Variants in GPC3 observed in about 807,000 individuals in gnomAD.
GPC3 encodes the protein glypican-3.
In GPC3, 3 loss-of-function variants were observed where a neutral mutation model predicts 34.4. That is an observed-to-expected ratio of 0.09 (90% CI 0.04 to 0.23). The LOEUF is 0.23. Ranked by LOEUF, GPC3 falls within the 10% of genes least tolerant of loss-of-function variation. The pLI, the probability that GPC3 is intolerant of heterozygous loss-of-function variation, is 1.00. For synonymous variants in GPC3, 177 were observed against 174.0 expected (o/e 1.02, Z -0.13); for missense variants, 351 against 445.6 (o/e 0.79, Z 1.91).
At chrX:133,670,505 C>CA (rs2124409939) in intron 5 of GPC3, among the ~76,000 whole-genome samples, 1 of 111,210 alleles carries the variant, frequency 9.0e-6, no homozygotes, top group Non-Finnish European at 1.9e-5. Flanking sequence ...AGGTCCCCAC[C>CA]AAAAAAAATT....
chrX:133,800,197 G>A, intron 2 of GPC3, among the ~76,000 whole-genome samples: 1 of 112,136 alleles, frequency 8.9e-6, no homozygotes, highest in Non-Finnish European at 1.9e-5. Context: ...TTCAGCGTTT[G>A]CGTCCGATAA....
chrX:133,983,758 T>C (rs1427400293), intron 1 of GPC3, among the ~76,000 whole-genome samples: 2 of 111,378 alleles, frequency 1.8e-5, no homozygotes, highest in African/African-American at 6.5e-5. Context: ...GATTGGCCAG[T>C]TGTTTCAGTT....
rs1216828166 is a variant in GPC3 at position 133,558,385 on chromosome X, A to T, written c.1574-22092T>A. ...GGCCCTGAGAACAGACTCAGACAGC[A>T]TCCTTCGCCTTCCAGGCTCTCTCAC... On this transcript the variant is annotated intron_variant, in intron 7 of 7. Transcript: ENST00000370818. Among the ~76,000 whole-genome samples, 6 of 108,374 alleles carry T rather than the reference A, an allele frequency of 5.5e-5. No individual in the cohort carries two copies. In the East Asian group the frequency reaches 8.7e-4, roughly 16 times the overall value. The allele number at this position is 108,374 out of a possible 115,157, so 94.1% of individuals were successfully genotyped here.
At chrX:133,862,557 A>T (rs1038567463) in intron 2 of GPC3, among the ~76,000 whole-genome samples, 10 of 108,109 alleles carry the variant, frequency 9.2e-5, no homozygotes, top group Non-Finnish European at 1.9e-4. Context: ...GGGCGTGGTG[A>T]TGGGCACCTG....
At chrX:133,659,436 C>T (rs891232905) in intron 6 of GPC3, among the ~76,000 whole-genome samples, 7 of 111,730 alleles carry the variant, frequency 6.3e-5, no homozygotes, top group African/African-American at 2.3e-4. Flanking sequence ...CCCTCCCTTG[C>T]TTGTCTTTAC....
chrX:133,818,476 T>C (rs891289284), intron 2 of GPC3, among the ~76,000 whole-genome samples: 1 of 111,519 alleles, frequency 9.0e-6, no homozygotes, highest in African/African-American at 3.3e-5. Context: ...CAGCTAGGTG[T>C]TTCCAGAGTT....
intron 2 of GPC3, among the ~76,000 whole-genome samples, chrX:133,862,280 T>G (rs750470960): frequency 9.0e-6 from 1 of 110,864 alleles, no homozygotes; most frequent in African/African-American, 3.3e-5. Context: ...TGGTTAATGT[T>G]CAGCCAATAG....
intron 7 of GPC3, among the ~76,000 whole-genome samples, chrX:133,579,759 C>G (rs2069717437): frequency 9.0e-6 from 1 of 111,156 alleles, no homozygotes; most frequent in Non-Finnish European, 1.9e-5. Context: ...TGGTCTCAAA[C>G]TCCTGGGCTC....
chrX:133,789,019 C>T (rs747765142), intron 2 of GPC3, among the ~76,000 whole-genome samples: 37 of 110,664 alleles, frequency 3.3e-4, no homozygotes, highest in South Asian at 1.2e-3. Flanking sequence ...GGGAGGCTTC[C>T]CTTTGATAAA....
chrX:133,692,234 C>T (rs1432164428), intron 5 of GPC3, 135 bp downstream of exon 5: 16 of 684,520 alleles, frequency 2.3e-5, no homozygotes, highest in South Asian at 7.4e-5. Flanking sequence ...CATGAGCCAC[C>T]GCATCCAGCC....
At chrX:133,971,707 C>T (rs1262362737) in intron 1 of GPC3, among the ~76,000 whole-genome samples, 2 of 110,540 alleles carry the variant, frequency 1.8e-5, no homozygotes, top group Non-Finnish European at 3.8e-5. Context: ...AAGGAAGATG[C>T]GGAGAACAGT....
chrX:133,841,927 C>T (rs763009503), intron 2 of GPC3, among the ~76,000 whole-genome samples: 22 of 112,398 alleles, frequency 2.0e-4, no homozygotes, highest in Admixed American at 5.6e-4. Context: ...CATCAGACCC[C>T]AAGTTCTTCA....
chrX:133,579,827 C>T (rs1212893282), intron 7 of GPC3, among the ~76,000 whole-genome samples: 2 of 111,909 alleles, frequency 1.8e-5, no homozygotes, highest in African/African-American at 6.5e-5. Flanking sequence ...CAAGCCACGA[C>T]GCCCAGCCTG....
At chrX:133,588,567 T>G (rs912560168) in intron 7 of GPC3, among the ~76,000 whole-genome samples, 2 of 111,093 alleles carry the variant, frequency 1.8e-5, no homozygotes, top group African/African-American at 6.6e-5. Context: ...ATTAATGAAT[T>G]TATTAATGCA....
At chrX:133,933,741 C>T (rs183174918) in intron 2 of GPC3, among the ~76,000 whole-genome samples, 1 of 110,686 alleles carries the variant, frequency 9.0e-6, no homozygotes, top group East Asian at 2.9e-4. Context: ...ATGTTGCAAG[C>T]TCCTGCTTCA....
At chrX:133,956,730 T>C (rs1329110420) in intron 1 of GPC3, among the ~76,000 whole-genome samples, 1 of 112,009 alleles carries the variant, frequency 8.9e-6, no homozygotes, top group Non-Finnish European at 1.9e-5. Context: ...GGGTGACTGT[T>C]AGTACTGGTC....
chrX:133,764,177 A>G (rs749765540), intron 2 of GPC3, among the ~76,000 whole-genome samples: 2 of 111,987 alleles, frequency 1.8e-5, no homozygotes, highest in African/African-American at 6.5e-5. Flanking sequence ...GGAACAGAAA[A>G]CCAAATACCA....
intron 2 of GPC3, among the ~76,000 whole-genome samples, chrX:133,917,181 A>G (rs1223103385): frequency 2.7e-5 from 3 of 111,997 alleles, no homozygotes. Flanking sequence ...GTGTGAAATG[A>G]GTCTCATTTC....
At chrX:133,808,861 T>C (rs1423471532) in intron 2 of GPC3, among the ~76,000 whole-genome samples, 1 of 111,851 alleles carries the variant, frequency 8.9e-6, no homozygotes, top group Non-Finnish European at 1.9e-5. Context: ...ATGCACAAAA[T>C]GAAATTTCAC....
Sources: gnomAD v4.1 joint callset for allele counts (sites outside exome capture counted in the v4.1 genomes callset) on GRCh38, gnomAD v4.1.1 for gene constraint, MANE v1.5 for transcripts, NCBI Gene and HGNC (gene_info 2026-07-23, HGNC 2026-07-21) for gene names.